ZFYVE28: variants seen among roughly 807,000 people sequenced by gnomAD.
ZFYVE28 encodes lateral signaling target protein 2 homolog.
ZFYVE28 carries 40 observed loss-of-function variants against 82.1 expected under a neutral mutation model. The observed-to-expected ratio is 0.49, with a 90% CI of 0.38 to 0.63. ZFYVE28 has a LOEUF of 0.63. Among genes scored for constraint, ZFYVE28 ranks in the 30% least tolerant of loss-of-function variants. The pLI is 0.00. For missense variants in ZFYVE28, 1,321 were observed against 1,242.1 expected (o/e 1.06, Z -0.96); for synonymous variants, 612 against 546.1 (o/e 1.12, Z -1.68).
chr4:2,402,864 A>G (rs1731347310), intron 1 of ZFYVE28, among the ~76,000 whole-genome samples: 2 of 152,094 alleles, frequency 1.3e-5, no homozygotes, highest in African/African-American at 4.8e-5. Flanking sequence ...TGCAGGGCCA[A>G]GCCTGCCCCC....
chr4:2,366,658 G>A (rs1726923788), intron 1 of ZFYVE28, among the ~76,000 whole-genome samples: 1 of 152,208 alleles, frequency 6.6e-6, no homozygotes, highest in Non-Finnish European at 1.5e-5. Flanking sequence ...GCAGCTAGAG[G>A]CCTCTGCCCC....
chr4:2,334,240 C>T (rs1206873540), intron 6 of ZFYVE28, among the ~76,000 whole-genome samples: 1 of 152,118 alleles, frequency 6.6e-6, no homozygotes, highest in Non-Finnish European at 1.5e-5. Context: ...AGCCAGGGCC[C>T]AGCAGATAGA....
intron 2 of ZFYVE28, among the ~76,000 whole-genome samples, chr4:2,346,054 G>T (rs112750878): frequency 6.6e-6 from 1 of 151,902 alleles, no homozygotes; most frequent in Non-Finnish European, 1.5e-5. Flanking sequence ...CTTGGCCAGG[G>T]GCGGTGGCTC....
intron 1 of ZFYVE28, among the ~76,000 whole-genome samples, chr4:2,407,649 G>A (rs777755705): frequency 1.3e-5 from 2 of 152,140 alleles, no homozygotes; most frequent in Non-Finnish European, 2.9e-5. Context: ...GGAGTGTAGT[G>A]GCACGATCTC....
chr4:2,353,568 A>G (rs1358968839), intron 2 of ZFYVE28, among the ~76,000 whole-genome samples: 1 of 152,138 alleles, frequency 6.6e-6, no homozygotes, highest in Non-Finnish European at 1.5e-5. Context: ...CAGCACCATT[A>G]GTCAGTGGCA....
In ZFYVE28 at chr4:2,340,416, T is replaced by G. The variant is rs111945175; in HGVS notation, c.319-761A>C. ...GGTAGACCTGTTGTCACAGGGAGGCTTGTCTAGAGGCCGGGGCCTCGCCAG... is the reference window on the plus strand; with the variant it reads ...GGTAGACCTGTTGTCACAGGGAGGCGTGTCTAGAGGCCGGGGCCTCGCCAG... On this transcript the variant is annotated intron_variant, in intron 3 of 12. Coordinates refer to ENST00000290974, the MANE Select transcript of ZFYVE28 (RefSeq NM_020972.3). Among the ~76,000 whole-genome samples, 1,097 of 152,056 alleles carry G rather than the reference T, an allele frequency of 7.2e-3. 17 individuals are homozygous for G. Among genetic ancestry groups the G allele is most frequent in the African/African-American group, 0.024 (1,018 of 41,560 alleles).
intron 6 of ZFYVE28, chr4:2,331,056 G>C: frequency 7.3e-7 from 1 of 1,365,378 alleles, no homozygotes; most frequent in South Asian, 1.4e-5. Flanking sequence ...GGGCTGGGGA[G>C]GAAGGCAGGG....
Position 2,348,965 on chromosome 4 carries a change from G to A in ZFYVE28, c.180+4968C>T, listed in dbSNP as rs532957096. Among the ~76,000 whole-genome samples the A allele has an allele frequency of 2.6e-5, 4 of 152,118 alleles. No homozygotes were observed. In the East Asian group the frequency reaches 5.8e-4, roughly 22 times the overall value. On this transcript the variant is annotated intron_variant, in intron 2 of 12. Transcript: ENST00000290974. ...AGAGTTCCAGCTACCCTGACCTTTG[G>A]ATGCTATGGCATCAGGCAAACAACC...
chr4:2,333,349 T>G (rs1330572453), intron 6 of ZFYVE28, among the ~76,000 whole-genome samples: 1 of 146,322 alleles, frequency 6.8e-6, no homozygotes, highest in Non-Finnish European at 1.5e-5. Flanking sequence ...CCTCCCAGGA[T>G]GAAAGCCTAG....
At chr4:2,383,560 C>G (rs1227840362) in intron 1 of ZFYVE28, among the ~76,000 whole-genome samples, 1 of 152,172 alleles carries the variant, frequency 6.6e-6, no homozygotes, top group Non-Finnish European at 1.5e-5. Context: ...CGCACTTATC[C>G]CAATGCCCAG....
chr4:2,411,414 C>A (rs1732509202), intron 1 of ZFYVE28, among the ~76,000 whole-genome samples: 1 of 152,194 alleles, frequency 6.6e-6, no homozygotes, highest in East Asian at 1.9e-4. Flanking sequence ...TCAGATCAGT[C>A]AAAAAATATC....
rs1031680032 is a variant in ZFYVE28, at chr4:2,335,160, G to A, written c.701+545C>T. On this transcript the variant is annotated intron_variant, in intron 6 of 12. Coordinates refer to ENST00000290974, the MANE Select transcript of ZFYVE28 (RefSeq NM_020972.3). This position sits in a 1 kb window ranked among gnomAD's most constrained non-coding sequence, Gnocchi z 5.8. ...GTTCCCTGCTCTCCCAGACGGCCCC[G>A]CTGGCAGGAAAGGTTCCACACAGGT... Among the ~76,000 whole-genome samples the A allele has an allele frequency of 2.4e-4, 37 of 151,788 alleles. No individual in the cohort carries two copies. The highest frequency in any genetic ancestry group is 8.2e-4 in the African/African-American group (34 of 41,438).
intron 7 of ZFYVE28, among the ~76,000 whole-genome samples, chr4:2,307,423 T>C (rs1480899306): frequency 6.6e-6 from 1 of 152,196 alleles, no homozygotes; most frequent in African/African-American, 2.4e-5. Context: ...TAGTGCTTTG[T>C]GTCCTGTTTA....
At chr4:2,291,101 G>A (rs1168871373) in intron 8 of ZFYVE28, among the ~76,000 whole-genome samples, 1 of 152,208 alleles carries the variant, frequency 6.6e-6, no homozygotes, top group Non-Finnish European at 1.5e-5. Flanking sequence ...CTCGCACCTT[G>A]CAGGCGCTTT....
At chr4:2,392,132 C>T (rs1445003627) in intron 1 of ZFYVE28, among the ~76,000 whole-genome samples, 2 of 149,262 alleles carry the variant, frequency 1.3e-5, no homozygotes, top group Admixed American at 1.3e-4. Flanking sequence ...CCATCCTGGG[C>T]GACAGAGCAA....
Position 2,305,173 on chromosome 4 carries a change from G to A in ZFYVE28, c.1167C>T (p.Arg389=), listed in dbSNP as rs1212618599. 6.3e-7 allele frequency: 1 copy of A among 1,594,218 alleles called. No individual in the cohort carries two copies. Among genetic ancestry groups the A allele is most frequent in the Non-Finnish European group, 8.6e-7 (1 of 1,167,852 alleles). The change falls in exon 8 of 13, where the codon CGC becomes CGT. Residue 389 remains arginine (R), a synonymous_variant. Transcript: ENST00000290974. ...CCTCCTCGTCACTGCCTGACCGCAG[G>A]CGCGGTCTACCTGGAGAGGCCTCCC... The part of the protein sequence containing the change: ...PGGEASPGRP[R]LRSGSDEEER...
Position 2,335,619 on chromosome 4 carries a change from G to T in ZFYVE28, c.701+86C>A. 7.6e-7 allele frequency: 1 copy of T among 1,315,196 alleles called. No individual in the cohort carries two copies. The highest frequency in any genetic ancestry group is 1.1e-6 in the Non-Finnish European group (1 of 940,930). 81.5% of individuals were successfully genotyped at this position (1,315,196 alleles called of 1,614,324 possible). Reference sequence around the variant, plus strand: ...GCCACCGTGAGGTGGAGACGCCATGGACCGGCACCCGCACGGGACCTGGCA... The same window carrying T: ...GCCACCGTGAGGTGGAGACGCCATGTACCGGCACCCGCACGGGACCTGGCA... On this transcript the variant is annotated intron_variant, in intron 6 of 12. Transcript: ENST00000290974. This position sits in a 1 kb window ranked among gnomAD's most constrained non-coding sequence, Gnocchi z 5.8.
chr4:2,343,024 C>A (rs982148847), intron 2 of ZFYVE28: 1 of 152,226 alleles, frequency 6.6e-6, no homozygotes, highest in Non-Finnish European at 1.5e-5. Flanking sequence ...GTCACATATA[C>A]AATTTTTGAT....
intron 1 of ZFYVE28, among the ~76,000 whole-genome samples, chr4:2,402,167 C>T (rs1731256267): frequency 6.6e-6 from 1 of 152,222 alleles, no homozygotes; most frequent in Admixed American, 6.5e-5. Flanking sequence ...TCTGCTGCCA[C>T]CGCTCCCCTC....
Sources: allele counts gnomAD v4.1 joint callset (sites outside exome capture counted in the v4.1 genomes callset), GRCh38; gene constraint gnomAD v4.1.1; non-coding constraint Gnocchi (gnomAD v3.1); transcripts MANE v1.5; gene names NCBI Gene and HGNC (gene_info 2026-07-23, HGNC 2026-07-21).